PRKN: variants seen among roughly 807,000 people sequenced by gnomAD.
PRKN encodes the protein parkin RBR E3 ubiquitin protein ligase.
PRKN carries 56 observed loss-of-function variants against 59.5 expected under a neutral mutation model. The observed-to-expected ratio is 0.94, with a 90% confidence interval of 0.76 to 1.18. The LOEUF (loss-of-function observed/expected upper bound fraction) is 1.18. PRKN is among the 50% of genes most tolerant of loss of function. The pLI, the probability that PRKN is intolerant of heterozygous loss-of-function variation, is 0.00. For synonymous variants in PRKN, 250 were observed against 222.1 expected, an observed-to-expected ratio of 1.13 and a Z score of -1.12; for missense variants, 657 against 596.4, an observed-to-expected ratio of 1.10 and a Z score of -1.06.
At chr6:162,006,884 C>T (rs1001559004) in intron 5 of PRKN, among the ~76,000 whole-genome samples, 1 of 152,050 alleles carries the variant, frequency 6.6e-6, no homozygotes. Context: ...AATATAAGCT[C>T]CATAAGTCCA....
intron 1 of PRKN, among the ~76,000 whole-genome samples, chr6:162,710,730 G>C (rs1398842112): frequency 3.3e-5 from 5 of 151,934 alleles, no homozygotes; most frequent in Non-Finnish European, 5.9e-5. Context: ...CACTATAATA[G>C]CATCACCTGT....
chr6:162,405,361 C>T lies in PRKN; in HGVS notation c.171+37949G>A, dbSNP rs181292319. On this transcript the variant is annotated intron_variant, in intron 2 of 11. Coordinates refer to ENST00000366898, the MANE Select transcript of PRKN (RefSeq NM_004562.3). ...ACCTGCAGGGGTTTCTCTAAGTCGCCCTCACACATGCTTGGACATCTGTAT... is the reference window on the plus strand; with the variant it reads ...ACCTGCAGGGGTTTCTCTAAGTCGCTCTCACACATGCTTGGACATCTGTAT... Among the ~76,000 whole-genome samples, 3 of 152,228 alleles carry T rather than the reference C, an allele frequency of 2.0e-5. No individual in the cohort carries two copies. In the East Asian group the frequency reaches 5.8e-4, roughly 29 times the overall value.
At chr6:162,103,994 G>A (rs1407373901) in intron 4 of PRKN, among the ~76,000 whole-genome samples, 2 of 152,330 alleles carry the variant, frequency 1.3e-5, no homozygotes, top group East Asian at 3.9e-4. Flanking sequence ...GTGGAGGTGA[G>A]GGCCACAGAG....
At position 161,459,737 on chromosome 6, in the gene PRKN, C is replaced by T. The variant is rs1182759440; in HGVS notation, c.1084-72860G>A. ...CTAGGAAACTAGCTAACTGGTGCCA[C>T]CATAACATTTGCTATAATTATAACA... On this transcript the variant is annotated intron_variant, in intron 9 of 11. Coordinates refer to ENST00000366898, the MANE Select transcript of PRKN (RefSeq NM_004562.3). The surrounding 1 kb of genome is among the most constrained non-coding windows in gnomAD (Gnocchi z 4.8). Among the ~76,000 whole-genome samples the T allele has an allele frequency of 6.6e-6, 1 of 152,184 alleles. No individual in the cohort carries two copies. Among genetic ancestry groups the T allele is most frequent in the African/African-American group, 2.4e-5 (1 of 41,438 alleles).
chr6:161,782,250 C>T (rs935121639), intron 7 of PRKN, among the ~76,000 whole-genome samples: 9 of 152,088 alleles, frequency 5.9e-5, no homozygotes, highest in South Asian at 2.1e-4. Context: ...ATATCTATAT[C>T]GGACTAGGGA....
Position 161,480,698 on chromosome 6 carries a change from C to T in PRKN, c.1083+68156G>A, listed in dbSNP as rs748017977. Among the ~76,000 whole-genome samples, 7 of 152,272 alleles carry T rather than the reference C, an allele frequency of 4.6e-5. No homozygotes were observed. The South Asian group carries it at 1.0e-3, about 23-fold the overall frequency. On this transcript the variant is annotated intron_variant, in intron 9 of 11. Coordinates refer to ENST00000366898, the MANE Select transcript of PRKN (RefSeq NM_004562.3). The surrounding 1 kb of genome is among the most constrained non-coding windows in gnomAD (Gnocchi z 4.1). ...TCAATGGAAGGTAAGAAAGAGTTAACGTCTAACCCATTACATGCTAAGTGA... is the reference window on the plus strand; with the variant it reads ...TCAATGGAAGGTAAGAAAGAGTTAATGTCTAACCCATTACATGCTAAGTGA...
chr6:162,597,984 C>A (rs547850479), intron 1 of PRKN, among the ~76,000 whole-genome samples: 84 of 152,106 alleles, frequency 5.5e-4, no homozygotes, highest in African/African-American at 1.9e-3. Flanking sequence ...TTACAAAAAA[C>A]AAGTTTTTAT....
At chr6:162,549,889 G>A (rs34234130) in intron 1 of PRKN, among the ~76,000 whole-genome samples, 17,111 of 152,062 alleles carry the variant, frequency 0.11, 1,051 homozygotes, top group Middle Eastern at 0.19. Context: ...CATCTGCCTC[G>A]GCCTCCCAAA....
rs183683149 is a variant in PRKN at position 162,098,625 on chromosome 6, C to T, written c.535-44451G>A. Among the ~76,000 whole-genome samples, 183 of 152,310 alleles carry T rather than the reference C, an allele frequency of 1.2e-3. 4 individuals are homozygous for T. The highest frequency in any genetic ancestry group is 4.0e-3 in the African/African-American group (165 of 41,582). On this transcript the variant is annotated intron_variant, in intron 4 of 11. Transcript: ENST00000366898. ...CAACCTTTCAGGTCATGGCTGCACTCAAGCTGAGTTCCCTACCTAGAAAAT... is the reference window on the plus strand; with the variant it reads ...CAACCTTTCAGGTCATGGCTGCACTTAAGCTGAGTTCCCTACCTAGAAAAT...
At chr6:162,326,182 C>A (rs1028596981) in intron 2 of PRKN, among the ~76,000 whole-genome samples, 7 of 151,932 alleles carry the variant, frequency 4.6e-5, no homozygotes, top group African/African-American at 1.7e-4. Flanking sequence ...GAAGTTACAA[C>A]AAATTAAGAC....
intron 6 of PRKN, among the ~76,000 whole-genome samples, chr6:161,887,852 C>CT (rs2128231252): frequency 6.6e-6 from 1 of 152,142 alleles, no homozygotes; most frequent in South Asian, 2.1e-4. Context: ...ATAGAAATAT[C>CT]TTTTTTATAA....
chr6:162,299,055 A>G (rs1380720891), intron 2 of PRKN, among the ~76,000 whole-genome samples: 1 of 152,214 alleles, frequency 6.6e-6, no homozygotes, highest in East Asian at 1.9e-4. Flanking sequence ...GATGGCCCAC[A>G]GGGGCTCACA....
At chr6:162,158,414 GCGTT>G (rs1782612536) in intron 4 of PRKN, among the ~76,000 whole-genome samples, 3 of 7,214 alleles carry the variant, frequency 4.2e-4, no homozygotes, top group Admixed American at 7.4e-3. Flanking sequence ...TTGTTTGTTT[GCGTT>G]TTTTTTTTTT....
chr6:162,112,127 C>T (rs973761628), intron 4 of PRKN, among the ~76,000 whole-genome samples: 1 of 152,178 alleles, frequency 6.6e-6, no homozygotes, highest in Non-Finnish European at 1.5e-5. Flanking sequence ...AGCACATTTC[C>T]ACACTGGAAC....
chr6:161,562,304 G>C lies in PRKN; in HGVS notation c.933+7051C>G, dbSNP rs1780487133. ...CAAATTGCCATTCCTCCTCCGGAAG[G>C]CCCGCCTACTTGCCTTCTCAGCTTC... On this transcript the variant is annotated intron_variant, in intron 8 of 11. Coordinates refer to ENST00000366898, the MANE Select transcript of PRKN (RefSeq NM_004562.3). This position sits in a 1 kb window ranked among gnomAD's most constrained non-coding sequence, Gnocchi z 4.3. Among the ~76,000 whole-genome samples, 1 of 151,952 alleles carries C rather than the reference G, an allele frequency of 6.6e-6. No homozygotes were observed. Among genetic ancestry groups the C allele is most frequent in the Non-Finnish European group, 1.5e-5 (1 of 67,968 alleles).
chr6:162,395,033 A>G (rs1407730289), intron 2 of PRKN, among the ~76,000 whole-genome samples: 1 of 152,218 alleles, frequency 6.6e-6, no homozygotes. Flanking sequence ...ATTTGCAGGT[A>G]GTGAACCCCC....
rs767020686 is a variant in PRKN, at chr6:161,538,027, G to A, written c.1083+10827C>T. ...CTTTGTGAAGAAAAATGTGATGTGT[G>A]TCAGGAACAATATTATTTCTGTCTG... On this transcript the variant is annotated intron_variant, in intron 9 of 11. Coordinates refer to ENST00000366898, the MANE Select transcript of PRKN (RefSeq NM_004562.3). The surrounding 1 kb of genome is among the most constrained non-coding windows in gnomAD (Gnocchi z 4.2). Among the ~76,000 whole-genome samples, 1 of 152,168 alleles carries A rather than the reference G, an allele frequency of 6.6e-6. No homozygotes were observed.
At position 161,456,673 on chromosome 6, in the gene PRKN, C is replaced by T. The variant is rs73589723; in HGVS notation, c.1084-69796G>A. On this transcript the variant is annotated intron_variant, in intron 9 of 11. Transcript: ENST00000366898. This position sits in a 1 kb window ranked among gnomAD's most constrained non-coding sequence, Gnocchi z 4.8. ...GCCCAAGAATAAAGAGGATCAAGGA[C>T]AGGGCACTGAACTGTACCAAAAGAA... 0.03 allele frequency among the ~76,000 whole-genome samples: 4,626 copies of T among 152,264 alleles called. 240 individuals carry two copies. The highest frequency in any genetic ancestry group is 0.1 in the African/African-American group (4,342 of 41,532).
At chr6:162,282,433 G>C (rs1172781538) in intron 2 of PRKN, among the ~76,000 whole-genome samples, 1 of 152,090 alleles carries the variant, frequency 6.6e-6, no homozygotes, top group South Asian at 2.1e-4. Context: ...ACAAATAAAA[G>C]TGCTTATGAT....
Sources: gnomAD v4.1 joint callset for allele counts (sites outside exome capture counted in the v4.1 genomes callset) on GRCh38, gnomAD v4.1.1 for gene constraint, Gnocchi (gnomAD v3.1) non-coding constraint, MANE v1.5 for transcripts, NCBI Gene and HGNC (gene_info 2026-07-23, HGNC 2026-07-21) for gene names.